CADM1: variants seen among roughly 807,000 people sequenced by gnomAD.
CADM1 encodes cell adhesion molecule 1.
In CADM1, 15 loss-of-function variants were observed where a neutral mutation model predicts 53.1. The ratio of observed to expected loss-of-function variants is 0.28; its 90% CI spans 0.19 to 0.44. CADM1 has a LOEUF of 0.44. Ranked by LOEUF, CADM1 falls within the 20% of genes least tolerant of loss-of-function variation. The pLI is 1.00. For synonymous variants in CADM1, 281 were observed against 243.0 expected, an observed-to-expected ratio of 1.16 and a Z score of -1.45; for missense variants, 434 against 611.3, an observed-to-expected ratio of 0.71 and a Z score of 3.06.
At chr11:115,406,313 A>C (rs1947310816) in intron 1 of CADM1, among the ~76,000 whole-genome samples, 1 of 151,970 alleles carries the variant, frequency 6.6e-6, no homozygotes, top group South Asian at 2.1e-4. Flanking sequence ...TAGACCCCAG[A>C]ATATATAAAA....
intron 1 of CADM1, among the ~76,000 whole-genome samples, chr11:115,393,422 A>G (rs1233393809): frequency 6.6e-6 from 1 of 151,948 alleles, no homozygotes; most frequent in African/African-American, 2.4e-5. Context: ...CAGATTTCAC[A>G]GAAGACTGAA....
At chr11:115,401,336 C>T (rs924125310) in intron 1 of CADM1, among the ~76,000 whole-genome samples, 14 of 151,734 alleles carry the variant, frequency 9.2e-5, no homozygotes, top group Admixed American at 7.2e-4. Flanking sequence ...TGGCCAGGCG[C>T]GGTGGCCCAC....
At chr11:115,221,704 C>G (rs1022812394) in intron 5 of CADM1, among the ~76,000 whole-genome samples, 3 of 152,068 alleles carry the variant, frequency 2.0e-5, no homozygotes, top group Non-Finnish European at 2.9e-5. Flanking sequence ...CTCTGTAGGT[C>G]CAAACACTAA....
At chr11:115,328,073 T>C (rs1402549331) in intron 1 of CADM1, among the ~76,000 whole-genome samples, 1 of 152,164 alleles carries the variant, frequency 6.6e-6, no homozygotes, top group Non-Finnish European at 1.5e-5. Context: ...TTCCAAATTA[T>C]ATACTAAGAT....
At position 115,184,593 on chromosome 11, in the gene CADM1, A is replaced by G. The variant is rs1939456721; in HGVS notation, c.1166-5818T>C. ...TAACCTTTCTTTTCTGTCTTCTTAG[A>G]AAGTGGACGAGAAGGAATAAACGTA... On this transcript the variant is annotated intron_variant, in intron 10 of 11. Transcript: ENST00000331581. 2.0e-5 allele frequency among the ~76,000 whole-genome samples: 3 copies of G among 152,206 alleles called. No homozygotes were observed. In the South Asian group the frequency reaches 6.2e-4, roughly 32 times the overall value.
At chr11:115,447,068 T>C (rs1948467817) in intron 1 of CADM1, among the ~76,000 whole-genome samples, 1 of 152,126 alleles carries the variant, frequency 6.6e-6, no homozygotes, top group Non-Finnish European at 1.5e-5. Context: ...GGTACAAACA[T>C]AACAGGTACT....
chr11:115,314,536 A>T (rs1944611163), intron 1 of CADM1, among the ~76,000 whole-genome samples: 1 of 152,188 alleles, frequency 6.6e-6, no homozygotes, highest in Non-Finnish European at 1.5e-5. Flanking sequence ...TCTATGACTA[A>T]GACTATGCAG....
At chr11:115,361,435 G>A (rs1946026036) in intron 1 of CADM1, among the ~76,000 whole-genome samples, 1 of 152,278 alleles carries the variant, frequency 6.6e-6, no homozygotes, top group South Asian at 2.1e-4. Flanking sequence ...AACATTTTAA[G>A]AGTCCCACAG....
intron 1 of CADM1, among the ~76,000 whole-genome samples, chr11:115,458,972 T>C (rs1012951701): frequency 2.5e-4 from 38 of 152,122 alleles, no homozygotes; most frequent in African/African-American, 9.2e-4. Context: ...GGCTTCACAA[T>C]TCGGTTAATC....
intron 1 of CADM1, among the ~76,000 whole-genome samples, chr11:115,392,881 A>G (rs1946873214): frequency 6.6e-6 from 1 of 152,018 alleles, no homozygotes; most frequent in Admixed American, 6.6e-5. Flanking sequence ...GAGGATTAAA[A>G]GTGGTGAAAC....
chr11:115,319,317 G>C (rs1944760220), intron 1 of CADM1, among the ~76,000 whole-genome samples: 1 of 151,980 alleles, frequency 6.6e-6, no homozygotes, highest in Admixed American at 6.6e-5. Flanking sequence ...CAGCAGCACT[G>C]GCAAAAACTC....
At chr11:115,323,761 T>C (rs576335261) in intron 1 of CADM1, among the ~76,000 whole-genome samples, 19 of 152,150 alleles carry the variant, frequency 1.2e-4, no homozygotes, top group African/African-American at 9.6e-5. Flanking sequence ...TGGATGATTA[T>C]AGTATCGCTT....
chr11:115,216,353 C>A (rs552096269), intron 6 of CADM1, among the ~76,000 whole-genome samples: 1 of 152,148 alleles, frequency 6.6e-6, no homozygotes, highest in South Asian at 2.1e-4. Flanking sequence ...TTCAATTGAA[C>A]GAAGTACCTT....
chr11:115,329,267 A>C (rs1287090976), intron 1 of CADM1, among the ~76,000 whole-genome samples: 1 of 152,182 alleles, frequency 6.6e-6, no homozygotes, highest in Admixed American at 6.5e-5. Flanking sequence ...CAGGTCTTTT[A>C]GAACTGAAAA....
At chr11:115,298,595 G>A (rs1239379469) in intron 1 of CADM1, among the ~76,000 whole-genome samples, 1 of 152,164 alleles carries the variant, frequency 6.6e-6, no homozygotes, top group Non-Finnish European at 1.5e-5. Flanking sequence ...CAATTGTAAT[G>A]ACACAAATCT....
chr11:115,246,589 G>A (rs1013343843), intron 1 of CADM1, among the ~76,000 whole-genome samples: 4 of 152,158 alleles, frequency 2.6e-5, no homozygotes, highest in Non-Finnish European at 5.9e-5. Flanking sequence ...CATATGACAA[G>A]CATGAGGCCC....
At chr11:115,300,396 T>C (rs540300617) in intron 1 of CADM1, among the ~76,000 whole-genome samples, 1 of 152,258 alleles carries the variant, frequency 6.6e-6, no homozygotes, top group Non-Finnish European at 1.5e-5. Context: ...AGGAGTGTGT[T>C]TACTCACAGG....
At position 115,169,751 on chromosome 11, in the gene CADM1, T is replaced by G. The variant is rs1351805436; in HGVS notation, c.*6723A>C. 2.8e-6 allele frequency: 1 copy of G among 355,368 alleles called. No homozygotes were observed. The highest frequency in any genetic ancestry group is 5.7e-6 in the Non-Finnish European group (1 of 176,910). 22.0% of individuals were successfully genotyped at this position (355,368 alleles called of 1,614,324 possible). ...ATACTTTTTAATCAGGTCTGCTGTG[T>G]CTGGGCAAACAGCTTTTGTGGATTA... On this transcript the variant is annotated 3_prime_UTR_variant, in exon 12 of 12. Transcript: ENST00000331581.
At chr11:115,339,925 A>C (rs1255852951) in intron 1 of CADM1, 1 of 152,114 alleles carries the variant, frequency 6.6e-6, no homozygotes, top group Non-Finnish European at 1.5e-5. Context: ...AGAAAAAAAA[A>C]AGTATTCATC....
Sources: gnomAD v4.1 joint callset for allele counts (sites outside exome capture counted in the v4.1 genomes callset) on GRCh38, gnomAD v4.1.1 for gene constraint, MANE v1.5 for transcripts, NCBI Gene and HGNC (gene_info 2026-07-23, HGNC 2026-07-21) for gene names.